The following PLXNA4 variants were observed in gnomAD, a reference collection of about 807,000 sequenced individuals.
PLXNA4 encodes the protein plexin-A4.
In PLXNA4, 44 loss-of-function variants were observed where a neutral mutation model predicts 191.8. That is an observed-to-expected ratio of 0.23 (90% confidence interval 0.18 to 0.29). The LOEUF is 0.29. Among genes scored for constraint, PLXNA4 ranks in the 10% least tolerant of loss-of-function variants. PLXNA4 has a pLI of 1.00. For missense variants in PLXNA4, 1,800 were observed against 2,488.8 expected, an observed-to-expected ratio of 0.72 and a Z score of 5.89; for synonymous variants, 1,082 against 1,009.5, an observed-to-expected ratio of 1.07 and a Z score of -1.36.
At chr7:132,641,040 A>C (rs1803733112) in intron 2 of PLXNA4, among the ~76,000 whole-genome samples, 1 of 152,220 alleles carries the variant, frequency 6.6e-6, no homozygotes, top group Admixed American at 6.5e-5. Context: ...ATTTTCTAAA[A>C]GTTTGCTCCA....
intron 3 of PLXNA4, among the ~76,000 whole-genome samples, chr7:132,394,729 T>G (rs1793676233): frequency 6.6e-6 from 1 of 152,188 alleles, no homozygotes; most frequent in African/African-American, 2.4e-5. Flanking sequence ...ATCATGAGAA[T>G]CTATGAAGAA....
chr7:132,622,411 T>C (rs1417380329), intron 2 of PLXNA4, among the ~76,000 whole-genome samples: 2 of 152,308 alleles, frequency 1.3e-5, no homozygotes, highest in East Asian at 3.9e-4. Flanking sequence ...GAGGATTAGC[T>C]CATTAAAATG....
In PLXNA4 at chr7:132,144,681, C is replaced by T. The variant is rs533486158; in HGVS notation, c.5225+438G>A. Among the ~76,000 whole-genome samples the T allele has an allele frequency of 1.5e-4, 23 of 152,270 alleles. 1 individual carries two copies. The East Asian group carries it at 3.7e-3, about 24-fold the overall frequency. On this transcript the variant is annotated intron_variant, in intron 29 of 31. Coordinates refer to ENST00000321063, the MANE Select transcript of PLXNA4 (RefSeq NM_020911.2). ...TCCTCCATCTTCCATAGCATTTGTC[C>T]CACACCAGCAGACTTCCTTGCCTCT...
intron 3 of PLXNA4, among the ~76,000 whole-genome samples, chr7:132,480,004 T>C (rs1797277501): frequency 6.6e-6 from 1 of 152,146 alleles, no homozygotes; most frequent in South Asian, 2.1e-4. Flanking sequence ...AAGAACTATG[T>C]ACACTTCTGA....
At chr7:132,264,317 T>C (rs1333376061) in intron 4 of PLXNA4, 2 of 152,220 alleles carry the variant, frequency 1.3e-5, no homozygotes, top group South Asian at 2.1e-4. Flanking sequence ...AAAATTGCTT[T>C]TATCTTTAGG....
intron 2 of PLXNA4, among the ~76,000 whole-genome samples, chr7:132,617,332 G>A (rs1803176230): frequency 6.6e-6 from 1 of 152,228 alleles, no homozygotes; most frequent in South Asian, 2.1e-4. Context: ...TCTGAAGACT[G>A]ATCAGGAAGG....
chr7:132,132,445 CTGTTCTGTTCTGTTCTGT>C (rs1563048203), intron 31 of PLXNA4, among the ~76,000 whole-genome samples: 654 of 51,570 alleles, frequency 0.013, 17 homozygotes, highest in South Asian at 0.019. Flanking sequence ...CTGTTCTGTT[CTGTTCTGTTCTGTTCTGT>C]TCTGCTCTGC....
chr7:132,336,864 C>A (rs115200070), intron 3 of PLXNA4, among the ~76,000 whole-genome samples: 1 of 152,226 alleles, frequency 6.6e-6, no homozygotes, highest in Non-Finnish European at 1.5e-5. Context: ...AGCAGCCAAG[C>A]CTCTGCTGAC....
intron 4 of PLXNA4, among the ~76,000 whole-genome samples, chr7:132,279,849 T>C (rs1343169418): frequency 1.3e-5 from 2 of 152,156 alleles, no homozygotes; most frequent in Admixed American, 1.3e-4. Flanking sequence ...GACATTAGCA[T>C]GACTTGAGAT....
chr7:132,222,844 T>A (rs1052206254), intron 9 of PLXNA4, among the ~76,000 whole-genome samples: 2 of 152,222 alleles, frequency 1.3e-5, no homozygotes, highest in Admixed American at 6.5e-5. Flanking sequence ...AGTCACATTT[T>A]AGCCTTAGAG....
chr7:132,181,320 C>T, intron 18 of PLXNA4, 61 bp downstream of exon 18: 5 of 1,600,442 alleles, frequency 3.1e-6, no homozygotes, highest in Middle Eastern at 1.7e-4. Context: ...GACTTGAACA[C>T]CCCCTTCCAT....
intron 23 of PLXNA4, among the ~76,000 whole-genome samples, chr7:132,164,728 G>C (rs1186981598): frequency 6.6e-6 from 1 of 152,234 alleles, no homozygotes; most frequent in Non-Finnish European, 1.5e-5. Context: ...CGCATCCTTG[G>C]CTTATCTGCC....
intron 9 of PLXNA4, among the ~76,000 whole-genome samples, chr7:132,218,099 G>A (rs1798026208): frequency 6.6e-6 from 1 of 152,012 alleles, no homozygotes; most frequent in African/African-American, 2.4e-5. Context: ...CTCAGGGCAT[G>A]GGGCTTATTT....
chr7:132,545,110 G>A (rs1026383081), intron 1 of PLXNA4, among the ~76,000 whole-genome samples: 19 of 151,964 alleles, frequency 1.3e-4, no homozygotes, highest in African/African-American at 4.1e-4. Context: ...ACTCCTCTCC[G>A]GCTTCAGACC....
At chr7:132,523,003 G>C (rs912892563) in intron 1 of PLXNA4, among the ~76,000 whole-genome samples, 2 of 152,042 alleles carry the variant, frequency 1.3e-5, no homozygotes, top group Admixed American at 1.3e-4. Context: ...GCTCTCGGGG[G>C]CCAAGGGCTT....
chr7:132,178,443 C>T (rs1457499106), intron 20 of PLXNA4, among the ~76,000 whole-genome samples: 1 of 152,156 alleles, frequency 6.6e-6, no homozygotes, highest in Admixed American at 6.5e-5. Context: ...TCCTTTAAGT[C>T]ACCAAGCGCC....
intron 2 of PLXNA4, among the ~76,000 whole-genome samples, chr7:132,583,055 A>G (rs182851908): frequency 7.2e-4 from 110 of 152,314 alleles, no homozygotes; most frequent in Non-Finnish European, 1.5e-3. Flanking sequence ...GAATACTGAA[A>G]TCCAGCACTC....
intron 3 of PLXNA4, among the ~76,000 whole-genome samples, chr7:132,415,337 CGT>C (rs1563085951): frequency 6.6e-6 from 1 of 152,112 alleles, no homozygotes; most frequent in Admixed American, 6.6e-5. Flanking sequence ...CTTTATAAGA[CGT>C]GTGTGTGTGC....
At chr7:132,492,842 G>A (rs1476332927) in intron 2 of PLXNA4, among the ~76,000 whole-genome samples, 2 of 152,202 alleles carry the variant, frequency 1.3e-5, no homozygotes, top group East Asian at 1.9e-4. Context: ...GCACTTCAAT[G>A]TAAGATATTT....
Sources: allele counts gnomAD v4.1 joint callset (sites outside exome capture counted in the v4.1 genomes callset), GRCh38; gene constraint gnomAD v4.1.1; transcripts MANE v1.5; gene names NCBI Gene and HGNC (gene_info 2026-07-23, HGNC 2026-07-21).